Variants in PDZRN3 observed in about 807,000 individuals in gnomAD.
PDZRN3 encodes PDZ domain containing ring finger 3.
In PDZRN3, 38 loss-of-function variants were observed where a neutral mutation model predicts 85.7. The observed-to-expected ratio is 0.44, with a 90% confidence interval of 0.34 to 0.58. The LOEUF is 0.58. Ranked by LOEUF, PDZRN3 falls within the 20% of genes least tolerant of loss-of-function variation. PDZRN3 has a pLI of 0.01. For synonymous variants in PDZRN3, 759 were observed against 638.0 expected, an observed-to-expected ratio of 1.19 and a Z score of -2.86; for missense variants, 1,629 against 1,506.4, an observed-to-expected ratio of 1.08 and a Z score of -1.35.
chr3:73,604,901 G>A (rs1374396260), intron 2 of PDZRN3, among the ~76,000 whole-genome samples: 1 of 152,144 alleles, frequency 6.6e-6, no homozygotes, highest in Non-Finnish European at 1.5e-5. Flanking sequence ...TGAGACAGTG[G>A]TGAGGGGTGG....
chr3:73,525,792 G>T (rs1312849954), intron 3 of PDZRN3, among the ~76,000 whole-genome samples: 1 of 152,118 alleles, frequency 6.6e-6, no homozygotes, highest in African/African-American at 2.4e-5. Flanking sequence ...CCTCAGCGAG[G>T]GCTTCCTGCA....
At chr3:73,530,599 C>A (rs113005129) in intron 3 of PDZRN3, among the ~76,000 whole-genome samples, 2,166 of 152,162 alleles carry the variant, frequency 0.014, 43 homozygotes, top group African/African-American at 0.049. Context: ...GCATTCATAG[C>A]TGAATATAGT....
intron 3 of PDZRN3, among the ~76,000 whole-genome samples, chr3:73,490,142 C>T (rs184852814): frequency 5.9e-5 from 9 of 152,208 alleles, no homozygotes; most frequent in Non-Finnish European, 1.3e-4. Flanking sequence ...TTTATCTTCA[C>T]GCCCCAGCAC....
intron 3 of PDZRN3, among the ~76,000 whole-genome samples, chr3:73,405,070 A>C (rs1196715274): frequency 5.3e-5 from 8 of 152,128 alleles, no homozygotes; most frequent in Admixed American, 3.9e-4. Flanking sequence ...CTGCTGCATG[A>C]CTTAAATGAA....
chr3:73,594,997 G>A (rs1192074759), intron 3 of PDZRN3, among the ~76,000 whole-genome samples: 1 of 152,098 alleles, frequency 6.6e-6, no homozygotes, highest in Admixed American at 6.5e-5. Flanking sequence ...CCTTGTTTAT[G>A]TGCCCATGAC....
At chr3:73,465,117 A>G (rs1448789457) in intron 3 of PDZRN3, among the ~76,000 whole-genome samples, 2 of 152,210 alleles carry the variant, frequency 1.3e-5, no homozygotes, top group Non-Finnish European at 2.9e-5. Flanking sequence ...ATTATGTTGG[A>G]ATAGGGTATG....
At chr3:73,433,622 A>G in intron 3 of PDZRN3, 1 of 1,505,074 alleles carries the variant, frequency 6.6e-7, no homozygotes, top group Non-Finnish European at 8.9e-7. Flanking sequence ...TCTATGGAAT[A>G]AAATGCAGGG....
chr3:73,571,945 A>C (rs1470249598), intron 3 of PDZRN3, among the ~76,000 whole-genome samples: 1 of 152,228 alleles, frequency 6.6e-6, no homozygotes, highest in Non-Finnish European at 1.5e-5. Flanking sequence ...GGTTTAGAAA[A>C]AATTTCCTAG....
intron 5 of PDZRN3, among the ~76,000 whole-genome samples, chr3:73,391,593 G>A (rs1440328613): frequency 1.3e-5 from 2 of 152,194 alleles, no homozygotes; most frequent in African/African-American, 4.8e-5. Flanking sequence ...AGAAAGGAGG[G>A]TAATGTGATA....
At chr3:73,578,651 A>G (rs1195220215) in intron 3 of PDZRN3, among the ~76,000 whole-genome samples, 1 of 152,154 alleles carries the variant, frequency 6.6e-6, no homozygotes, top group Non-Finnish European at 1.5e-5. Flanking sequence ...TTATGGGTAA[A>G]GTGTTAAAAA....
At chr3:73,618,701 CAGAA>C (rs1050447311) in intron 1 of PDZRN3, among the ~76,000 whole-genome samples, 1 of 152,328 alleles carries the variant, frequency 6.6e-6, no homozygotes, top group African/African-American at 2.4e-5. Flanking sequence ...TTTCTGAACA[CAGAA>C]AGAGCCACTT....
At chr3:73,459,543 C>A (rs150471185) in intron 3 of PDZRN3, among the ~76,000 whole-genome samples, 28 of 152,076 alleles carry the variant, frequency 1.8e-4, no homozygotes, top group African/African-American at 6.8e-4. Flanking sequence ...TCTGTTGTTC[C>A]CTTCTTTGTG....
chr3:73,619,775 G>A (rs1702824167), intron 1 of PDZRN3, among the ~76,000 whole-genome samples: 1 of 152,208 alleles, frequency 6.6e-6, no homozygotes, highest in Non-Finnish European at 1.5e-5. Flanking sequence ...CCAACCAAGA[G>A]AAATGGGACA....
At chr3:73,400,211 G>C (rs912712802) in intron 5 of PDZRN3, among the ~76,000 whole-genome samples, 2 of 152,098 alleles carry the variant, frequency 1.3e-5, no homozygotes, top group African/African-American at 4.8e-5. Context: ...AAACCCCATT[G>C]AAATATAAAA....
intron 3 of PDZRN3, among the ~76,000 whole-genome samples, chr3:73,551,592 T>A (rs2106805439): frequency 1.4e-5 from 2 of 144,262 alleles, no homozygotes; most frequent in East Asian, 4.1e-4. Flanking sequence ...GGGAGGCTAA[T>A]GGGGGAGAAT....
In PDZRN3 at chr3:73,624,372, G is replaced by A. The variant is rs112594802; in HGVS notation, c.454C>T (p.His152Tyr). 32,287 of 1,302,860 alleles carry A rather than the reference G, an allele frequency of 0.025. 489 individuals are homozygous for A. The highest frequency in any genetic ancestry group is 0.028 in the Non-Finnish European group (28,840 of 1,031,910). The allele number at this position is 1,302,860 out of a possible 1,614,324, so 80.7% of individuals were successfully genotyped here. Residue 152 changes from histidine to tyrosine, a missense_variant, in exon 1 of 10, where the codon CAC becomes TAC. Transcript: ENST00000263666. ...TGGCCGCCCGCGCGCTGCTCGCCGTGCGTCAAGGGTAGCCCGCAGCCCTCC... is the reference window on the plus strand; with the variant it reads ...TGGCCGCCCGCGCGCTGCTCGCCGTACGTCAAGGGTAGCCCGCAGCCCTCC... ...CQEGCGLPLT[H>Y]GEQRAGGHCC...
At chr3:73,419,068 A>G (rs1222391381) in intron 3 of PDZRN3, among the ~76,000 whole-genome samples, 2 of 152,190 alleles carry the variant, frequency 1.3e-5, no homozygotes, top group Non-Finnish European at 2.9e-5. Context: ...CCTATGACGG[A>G]GAAAAACCTG....
At chr3:73,417,786 A>G (rs1702122302) in intron 3 of PDZRN3, among the ~76,000 whole-genome samples, 2 of 151,678 alleles carry the variant, frequency 1.3e-5, no homozygotes. Flanking sequence ...CCATGCAACC[A>G]GAGACAACTT....
intron 3 of PDZRN3, among the ~76,000 whole-genome samples, chr3:73,554,664 AAAGGT>A (rs1364744034): frequency 1.3e-5 from 2 of 152,232 alleles, no homozygotes; most frequent in African/African-American, 4.8e-5. Context: ...TCCAAGACAT[AAAGGT>A]AAGAGAAAAA....
Sources: gnomAD v4.1 joint callset for allele counts (sites outside exome capture counted in the v4.1 genomes callset) on GRCh38, gnomAD v4.1.1 for gene constraint, MANE v1.5 for transcripts, NCBI Gene and HGNC (gene_info 2026-07-23, HGNC 2026-07-21) for gene names.